ANKRD11: variants seen among roughly 807,000 people sequenced by gnomAD.
The protein encoded by ANKRD11 is ankyrin repeat domain-containing protein 11.
Under a neutral mutation model 195.7 loss-of-function variants are expected in ANKRD11, and 17 were observed. The ratio of observed to expected loss-of-function variants is 0.09; its 90% CI spans 0.06 to 0.13. ANKRD11 has a LOEUF of 0.13. Among genes scored for constraint, ANKRD11 ranks in the 10% least tolerant of loss-of-function variants. The probability of loss-of-function intolerance (pLI) is 1.00; values close to 1 mark genes in which losing one functional copy is unlikely to be tolerated. For missense variants in ANKRD11, 3,735 were observed against 3,566.1 expected, an observed-to-expected ratio of 1.05 and a Z score of -1.21; for synonymous variants, 1,953 against 1,528.1, an observed-to-expected ratio of 1.28 and a Z score of -6.49.
At chr16:89,368,371 G>GTTTTT (rs71134210) in intron 2 of ANKRD11, among the ~76,000 whole-genome samples, 10 of 56,592 alleles carry the variant, frequency 1.8e-4, no homozygotes, top group African/African-American at 1.9e-4. Flanking sequence ...TAATTTTTGT[G>GTTTTT]TTTTTTTTTT....
intron 11 of ANKRD11, chr16:89,271,573 C>T (rs569599661): frequency 2.5e-4 from 40 of 158,364 alleles, no homozygotes; most frequent in Non-Finnish European, 4.1e-4. Flanking sequence ...TGTGGAGCAC[C>T]GACAGAAACC....
chr16:89,407,678 CACACACATAG>C (rs1198661411), intron 2 of ANKRD11, among the ~76,000 whole-genome samples: 8 of 151,934 alleles, frequency 5.3e-5, no homozygotes, highest in East Asian at 3.9e-4. Flanking sequence ...TACACACACA[CACACACATAG>C]ACACACACAG....
At chr16:89,442,312 TA>T (rs2152296435) in intron 1 of ANKRD11, among the ~76,000 whole-genome samples, 2 of 152,262 alleles carry the variant, frequency 1.3e-5, no homozygotes, top group African/African-American at 4.8e-5. Flanking sequence ...TCTCAAAACA[TA>T]ATTAGAAACA....
intron 3 of ANKRD11, among the ~76,000 whole-genome samples, chr16:89,314,202 T>TGA (rs2036801192): frequency 6.6e-6 from 1 of 152,016 alleles, no homozygotes; most frequent in Non-Finnish European, 1.5e-5. Context: ...TGCAGTGAGC[T>TGA]GAGACTCTAC....
At chr16:89,286,879 C>T (rs1424625830) in intron 7 of ANKRD11, 1 of 1,288,808 alleles carries the variant, frequency 7.8e-7, no homozygotes, top group Admixed American at 2.3e-5. Context: ...CAACTTTAGT[C>T]CAGTCTGAGA....
chr16:89,399,733 G>A (rs1412282350), intron 2 of ANKRD11, among the ~76,000 whole-genome samples: 1 of 152,212 alleles, frequency 6.6e-6, no homozygotes, highest in African/African-American at 2.4e-5. Flanking sequence ...GCTGAGCCCA[G>A]GGGTGCGGGG....
chr16:89,406,333 G>T (rs1048275438), intron 2 of ANKRD11, among the ~76,000 whole-genome samples: 1 of 152,084 alleles, frequency 6.6e-6, no homozygotes, highest in Non-Finnish European at 1.5e-5. Flanking sequence ...GCCAGGTCAC[G>T]GCGGGCACGG....
At chr16:89,465,386 G>T (rs114257804) in intron 1 of ANKRD11, among the ~76,000 whole-genome samples, 342 of 152,314 alleles carry the variant, frequency 2.2e-3, no homozygotes, top group African/African-American at 7.9e-3. Flanking sequence ...AAAGAATCAT[G>T]AATTAGACTG....
At chr16:89,268,922 CCTGCCCTGCT>C (rs2032879546) in intron 12 of ANKRD11, among the ~76,000 whole-genome samples, 1 of 152,238 alleles carries the variant, frequency 6.6e-6, no homozygotes, top group Non-Finnish European at 1.5e-5. Context: ...GCCCGGGGGC[CCTGCCCTGCT>C]CTGGGTGGGC....
At chr16:89,351,195 C>T (rs568667675) in intron 2 of ANKRD11, among the ~76,000 whole-genome samples, 30 of 152,322 alleles carry the variant, frequency 2.0e-4, no homozygotes, top group African/African-American at 6.5e-4. Context: ...AGAGAGGCGG[C>T]GGCGGCAGCT....
At position 89,291,289 on chromosome 16, in the gene ANKRD11, G is replaced by T; in HGVS notation, c.227-106C>A. Reference sequence around the variant, plus strand: ...CGGAGCCCCCTGCGTCCACCTGACAGCTGACAGAGCAGAAAGGAAGGTCTG... The same window carrying T: ...CGGAGCCCCCTGCGTCCACCTGACATCTGACAGAGCAGAAAGGAAGGTCTG... On this transcript the variant is annotated intron_variant, in intron 4 of 12. Coordinates refer to ENST00000301030, the MANE Select transcript of ANKRD11 (RefSeq NM_013275.6). This position sits in a 1 kb window ranked among gnomAD's most constrained non-coding sequence, Gnocchi z 5.3. 1.4e-6 allele frequency: 2 copies of T among 1,384,656 alleles called. No homozygotes were observed. The highest frequency in any genetic ancestry group is 2.0e-6 in the Non-Finnish European group (2 of 1,001,390). The allele number at this position is 1,384,656 out of a possible 1,614,324, so 85.8% of individuals were successfully genotyped here. A position where few individuals can be genotyped will look rare whatever the true frequency, so the allele number is the denominator to read the frequency against.
chr16:89,395,208 C>T (rs376606891), intron 2 of ANKRD11, among the ~76,000 whole-genome samples: 191 of 152,328 alleles, frequency 1.3e-3, no homozygotes, highest in African/African-American at 3.8e-3. Context: ...TTTAAGGCAG[C>T]GTCTTAACAG....
intron 2 of ANKRD11, among the ~76,000 whole-genome samples, chr16:89,406,951 A>AG (rs916285832): frequency 3.3e-5 from 5 of 152,060 alleles, no homozygotes; most frequent in Admixed American, 2.6e-4. Context: ...GGCCAGGGGA[A>AG]GGGGGAGCAG....
At chr16:89,455,926 A>G (rs1023849455) in intron 1 of ANKRD11, among the ~76,000 whole-genome samples, 10 of 152,318 alleles carry the variant, frequency 6.6e-5, no homozygotes, top group African/African-American at 2.4e-4. Context: ...ACATGCTCAC[A>G]GCACTATTGA....
chr16:89,295,730 G>A (rs2035372968), intron 4 of ANKRD11, among the ~76,000 whole-genome samples: 1 of 152,006 alleles, frequency 6.6e-6, no homozygotes, highest in Admixed American at 6.6e-5. Flanking sequence ...GTGCAGGTGG[G>A]ATGGGGGGGA....
In ANKRD11 at chr16:89,349,154, A is replaced by AAGAAAAAAG. The variant is rs1179381794; in HGVS notation, c.-59-32077_-59-32076insCTTTTTTCT. 6.7e-4 allele frequency among the ~76,000 whole-genome samples: 98 copies of AAGAAAAAAG among 146,726 alleles called. 1 individual carries two copies. Among genetic ancestry groups the AAGAAAAAAG allele is most frequent in the Non-Finnish European group, 1.2e-3 (78 of 66,438 alleles). On this transcript the variant is annotated intron_variant, in intron 2 of 12. Transcript: ENST00000301030. ...AAAAGTAAAAAAAAAAAAAAAAAAA[A>AAGAAAAAAG]AAAAAAAGAATAATAATTATAGTAA...
intron 2 of ANKRD11, among the ~76,000 whole-genome samples, chr16:89,356,101 C>A (rs535781000): frequency 6.6e-6 from 1 of 152,310 alleles, no homozygotes; most frequent in African/African-American, 2.4e-5. Flanking sequence ...AAGAAAGAAT[C>A]TGGAAAACCT....
intron 3 of ANKRD11, among the ~76,000 whole-genome samples, chr16:89,310,287 C>A (rs1325762524): frequency 6.6e-6 from 1 of 152,216 alleles, no homozygotes; most frequent in African/African-American, 2.4e-5. Flanking sequence ...TCTTCTGTTC[C>A]ACTCACCCAT....
chr16:89,412,801 A>C (rs2042151344), intron 2 of ANKRD11, among the ~76,000 whole-genome samples: 1 of 152,162 alleles, frequency 6.6e-6, no homozygotes. Flanking sequence ...AACAAAAGAA[A>C]TACAGTAACC....
Sources: gnomAD v4.1 joint callset for allele counts (sites outside exome capture counted in the v4.1 genomes callset) on GRCh38, gnomAD v4.1.1 for gene constraint, Gnocchi (gnomAD v3.1) non-coding constraint, MANE v1.5 for transcripts, NCBI Gene and HGNC (gene_info 2026-07-23, HGNC 2026-07-21) for gene names.